Variants in ALKAL1 observed in about 807,000 individuals in gnomAD.
ALKAL1 encodes the protein ALK and LTK ligand 1, also known as AUG-beta.
ALKAL1 carries 23 observed loss-of-function variants against 13.5 expected under a neutral mutation model. The observed-to-expected ratio is 1.70, with a 90% CI of 1.23 to 2.41. The LOEUF (loss-of-function observed/expected upper bound fraction) is 2.41, where lower values mean the gene tolerates loss of function less well. Among genes scored for constraint, ALKAL1 ranks in the 30% most tolerant of loss-of-function variants. The pLI is 0.00. For synonymous variants in ALKAL1, 85 were observed against 77.7 expected, an observed-to-expected ratio of 1.09 and a Z score of -0.49; for missense variants, 181 against 178.4, an observed-to-expected ratio of 1.01 and a Z score of -0.08.
At chr8:52,538,377 TTAAAAA>T in intron 4 of ALKAL1, 48 bp downstream of exon 4, 1 of 1,052,212 alleles carries the variant, frequency 9.5e-7, no homozygotes, top group Admixed American at 2.2e-5. Context: ...GAAAAAATGT[TTAAAAA>T]TAAAGTTAGA....
At chr8:52,550,967 A>G (rs1218622333) in intron 1 of ALKAL1, among the ~76,000 whole-genome samples, 1 of 152,192 alleles carries the variant, frequency 6.6e-6, no homozygotes, top group African/African-American at 2.4e-5. Flanking sequence ...GAGGAAGAGG[A>G]ACACAATTAA....
chr8:52,546,277 C>T (rs1847367637), intron 1 of ALKAL1, among the ~76,000 whole-genome samples: 1 of 152,212 alleles, frequency 6.6e-6, no homozygotes, highest in Non-Finnish European at 1.5e-5. Context: ...AACATGCCCA[C>T]ATCCATTTGT....
chr8:52,559,377 G>A (rs967825872), intron 1 of ALKAL1, among the ~76,000 whole-genome samples: 2 of 152,134 alleles, frequency 1.3e-5, no homozygotes, highest in African/African-American at 2.4e-5. Flanking sequence ...GGCAGACAGT[G>A]AGCTACTGAA....
At chr8:52,535,362 G>A (rs79907913) in intron 4 of ALKAL1, among the ~76,000 whole-genome samples, 23,999 of 149,454 alleles carry the variant, frequency 0.16, 2,110 homozygotes, top group African/African-American at 0.23. Flanking sequence ...AGCCTGGGCA[G>A]CACAGTGGGA....
chr8:52,544,133 C>G (rs1231718562), intron 1 of ALKAL1, among the ~76,000 whole-genome samples: 2 of 152,018 alleles, frequency 1.3e-5, no homozygotes, highest in African/African-American at 4.8e-5. Context: ...CTGGCAGAGG[C>G]ACCTGGCACA....
At chr8:52,539,634 A>G (rs895054463) in intron 3 of ALKAL1, among the ~76,000 whole-genome samples, 197 bp downstream of exon 3, 10 of 152,192 alleles carry the variant, frequency 6.6e-5, no homozygotes, top group Non-Finnish European at 1.5e-4. Context: ...TAGATTCCCA[A>G]TTAGAATGTG....
intron 1 of ALKAL1, among the ~76,000 whole-genome samples, chr8:52,543,406 T>C (rs981276014): frequency 1.3e-5 from 2 of 152,146 alleles, no homozygotes; most frequent in African/African-American, 4.8e-5. Context: ...ATGCAGGGAT[T>C]CTAACTGTTC....
At position 52,565,155 on chromosome 8, in the gene ALKAL1, TCCCCTGCGC is replaced by T; in HGVS notation, c.93_101del (p.Arg32_Gly34del). 7.2e-7 allele frequency: 1 copy of T among 1,393,430 alleles called. No homozygotes were observed. Among genetic ancestry groups the T allele is most frequent in the Middle Eastern group, 1.9e-4 (1 of 5,316 alleles). The allele number at this position is 1,393,430 out of a possible 1,614,324, so 86.3% of individuals were successfully genotyped here. On this transcript the variant is annotated inframe_deletion, in exon 1 of 5. Transcript: ENST00000358543. ...TGGGCTCCTTATCCGTGACGCGCGC[TCCCCTGCGC>T]CCCCGGGGCCTCCCGTGGGCTCCGT...
Position 52,546,618 on chromosome 8 carries a change from T to G in ALKAL1, c.191-4173A>C, listed in dbSNP as rs566041169. Among the ~76,000 whole-genome samples, 10 of 152,324 alleles carry G rather than the reference T, an allele frequency of 6.6e-5. No individual in the cohort carries two copies. The South Asian group carries it at 1.9e-3, about 28-fold the overall frequency. ...CCTTTCATAAGCAACTTCCTTTTCT[T>G]CTTGGTTCTCCCTTGCACTTACCTA... On this transcript the variant is annotated intron_variant, in intron 1 of 4. Transcript: ENST00000358543.
At chr8:52,560,260 T>C (rs1563323902) in intron 1 of ALKAL1, among the ~76,000 whole-genome samples, 2 of 152,172 alleles carry the variant, frequency 1.3e-5, no homozygotes, top group Non-Finnish European at 2.9e-5. Context: ...AGACTACACA[T>C]CTTTCACGTA....
intron 1 of ALKAL1, among the ~76,000 whole-genome samples, chr8:52,544,149 A>C (rs1590866263): frequency 6.6e-6 from 1 of 152,104 alleles, no homozygotes; most frequent in East Asian, 1.9e-4. Context: ...GCACATGTTC[A>C]AGGAATAGGA....
intron 1 of ALKAL1, 71 bp downstream of exon 1, chr8:52,564,996 C>A: frequency 8.1e-7 from 1 of 1,237,606 alleles, no homozygotes; most frequent in Non-Finnish European, 1.0e-6. Flanking sequence ...GAGTGCCTCG[C>A]CCAGCTCCTA....
chr8:52,557,445 T>C (rs752329459), intron 1 of ALKAL1, among the ~76,000 whole-genome samples: 3 of 152,262 alleles, frequency 2.0e-5, no homozygotes, highest in Admixed American at 1.3e-4. Flanking sequence ...ATAGCCAATC[T>C]GATACTGTCA....
At chr8:52,554,154 G>A (rs983985477) in intron 1 of ALKAL1, among the ~76,000 whole-genome samples, 1 of 152,182 alleles carries the variant, frequency 6.6e-6, no homozygotes, top group Non-Finnish European at 1.5e-5. Flanking sequence ...AATCCGGGAG[G>A]TGGAGGTTGC....
intron 2 of ALKAL1, among the ~76,000 whole-genome samples, chr8:52,541,233 T>C (rs1247579149): frequency 2.6e-5 from 4 of 152,060 alleles, no homozygotes; most frequent in African/African-American, 4.8e-5. Flanking sequence ...CCCAATGCTT[T>C]GGGAGGCCAA....
At chr8:52,541,730 T>C (rs1847315019) in intron 2 of ALKAL1, among the ~76,000 whole-genome samples, 1 of 152,168 alleles carries the variant, frequency 6.6e-6, no homozygotes, top group African/African-American at 2.4e-5. Flanking sequence ...CGCTCCAGCC[T>C]GGGCAACAAG....
rs1258533274 is a variant in ALKAL1, at chr8:52,565,381, A to T, written c.-125T>A. On this transcript the variant is annotated 5_prime_UTR_variant, in exon 1 of 5. Transcript: ENST00000358543. ...GGCTACGCGGCCGGCCGCAGTCTTC[A>T]CCGCGCGCCTGCCCTTGTCTACGTC... is the stretch of plus-strand genomic sequence containing the variant. The T allele has an allele frequency of 7.8e-5, 55 of 701,524 alleles. No homozygotes were observed. The Admixed American group carries it at 1.4e-3, about 18-fold the overall frequency. 43.5% of individuals were successfully genotyped at this position (701,524 alleles called of 1,614,324 possible). A position where few individuals can be genotyped will look rare whatever the true frequency, so the allele number is the denominator to read the frequency against.
chr8:52,565,224 G>A lies in ALKAL1; in HGVS notation c.33C>T (p.Pro11=), dbSNP rs1187795313. The change falls in exon 1 of 5, where the codon CCC becomes CCT. Residue 11 remains proline (P), a synonymous_variant. Transcript: ENST00000358543. MRPLKPGAPL[P]ALFLLALALS... ...AAGCCAGCGCCAGCAGGAAGAGTGC[G>A]GGCAAAGGGGCGCCGGGCTTAAGGG... 2 of 1,327,404 alleles carry A rather than the reference G, an allele frequency of 1.5e-6. No individual in the cohort carries two copies. The highest frequency in any genetic ancestry group is 9.7e-7 in the Non-Finnish European group (1 of 1,031,750). The allele number at this position is 1,327,404 out of a possible 1,614,324, so 82.2% of individuals were successfully genotyped here.
At chr8:52,544,852 A>G (rs1847354167) in intron 1 of ALKAL1, among the ~76,000 whole-genome samples, 1 of 152,232 alleles carries the variant, frequency 6.6e-6, no homozygotes, top group Non-Finnish European at 1.5e-5. Flanking sequence ...ATTATGCTGC[A>G]TACTCTAAAG....
Sources: gnomAD v4.1 joint callset for allele counts (sites outside exome capture counted in the v4.1 genomes callset) on GRCh38, gnomAD v4.1.1 for gene constraint, MANE v1.5 for transcripts, NCBI Gene and HGNC (gene_info 2026-07-23, HGNC 2026-07-21) for gene names.